AHCYL2: variants seen among roughly 807,000 people sequenced by gnomAD.
The protein encoded by AHCYL2 is adenosylhomocysteinase like 2.
A neutral mutation model predicts 81.4 loss-of-function variants in AHCYL2; 28 were observed. That is an observed-to-expected ratio of 0.34 (90% CI 0.25 to 0.47). The LOEUF is 0.47. Ranked by LOEUF, AHCYL2 falls within the 20% of genes least tolerant of loss-of-function variation. The pLI is 1.00. For synonymous variants in AHCYL2, 272 were observed against 290.2 expected (o/e 0.94, Z 0.64); for missense variants, 551 against 785.1 (o/e 0.70, Z 3.56).
At chr7:129,387,769 T>C (rs1795267352) in intron 2 of AHCYL2, among the ~76,000 whole-genome samples, 1 of 152,190 alleles carries the variant, frequency 6.6e-6, no homozygotes, top group Non-Finnish European at 1.5e-5. Context: ...CACAAACTTT[T>C]TGTACAGATT....
At chr7:129,351,006 G>A (rs372911001) in intron 1 of AHCYL2, among the ~76,000 whole-genome samples, 84 of 151,936 alleles carry the variant, frequency 5.5e-4, no homozygotes, top group Middle Eastern at 3.4e-3. Flanking sequence ...GCCCGGCCCC[G>A]GCCTAATTTC....
intron 1 of AHCYL2, among the ~76,000 whole-genome samples, chr7:129,267,322 G>C (rs1220646681): frequency 6.7e-6 from 1 of 149,174 alleles, no homozygotes; most frequent in Non-Finnish European, 1.5e-5. Flanking sequence ...ATTTTTTTTT[G>C]AGACAGAGTT....
In AHCYL2 at chr7:129,389,231, C is replaced by T. The variant is rs746614999; in HGVS notation, c.619+32C>T. 2.5e-6 allele frequency: 4 copies of T among 1,613,230 alleles called. No homozygotes were observed. The East Asian group carries it at 6.7e-5, about 27-fold the overall frequency. On this transcript the variant is annotated intron_variant, in intron 3 of 16. Coordinates refer to ENST00000325006, the MANE Select transcript of AHCYL2 (RefSeq NM_015328.4). ...AAAACAAGCACCTTTTCCTTCTTAA[C>T]CTACCTGTGTCTTTTTGTCCATATT...
chr7:129,357,933 C>CAA (rs1231126390), intron 1 of AHCYL2, among the ~76,000 whole-genome samples: 11 of 83,374 alleles, frequency 1.3e-4, no homozygotes, highest in Non-Finnish European at 1.7e-4. Flanking sequence ...GACTCCATCT[C>CAA]AAAAAAAAAA....
intron 12 of AHCYL2, among the ~76,000 whole-genome samples, chr7:129,420,803 C>T (rs1289082279): frequency 6.6e-6 from 1 of 151,902 alleles, no homozygotes; most frequent in African/African-American, 2.4e-5. Context: ...TCTTTTTAAC[C>T]CTTAAATTTA....
intron 4 of AHCYL2, among the ~76,000 whole-genome samples, chr7:129,394,142 G>A (rs989096248): frequency 6.6e-6 from 1 of 151,828 alleles, no homozygotes; most frequent in African/African-American, 2.4e-5. Context: ...CCAAGTAACT[G>A]GGACTACAGG....
intron 1 of AHCYL2, chr7:129,375,561 C>G (rs1463423236): frequency 8.7e-7 from 1 of 1,155,230 alleles, no homozygotes; most frequent in African/African-American, 1.6e-5. Flanking sequence ...AAGGGACTTG[C>G]AAGGTTTAGA....
chr7:129,346,139 G>A (rs978489918), intron 1 of AHCYL2, among the ~76,000 whole-genome samples: 4 of 152,220 alleles, frequency 2.6e-5, no homozygotes, highest in Non-Finnish European at 4.4e-5. Context: ...AGTGGTTGTG[G>A]TGGTGGTTGG....
intron 1 of AHCYL2, among the ~76,000 whole-genome samples, chr7:129,321,743 G>GTTTTT: frequency 6.1e-4 from 47 of 77,560 alleles, no homozygotes; most frequent in Middle Eastern, 9.6e-3. Context: ...TTCTTTCTTT[G>GTTTTT]TTTTTTTTTT....
chr7:129,267,366 G>A (rs1262572086), intron 1 of AHCYL2, among the ~76,000 whole-genome samples: 1 of 151,798 alleles, frequency 6.6e-6, no homozygotes, highest in Admixed American at 6.6e-5. Context: ...GTGCAGTGGC[G>A]TGATCTCATC....
chr7:129,290,275 G>A (rs13229015), intron 1 of AHCYL2, among the ~76,000 whole-genome samples: 77 of 150,026 alleles, frequency 5.1e-4, no homozygotes, highest in African/African-American at 1.6e-3. Flanking sequence ...AGGCCAAGGC[G>A]GGCGGATCAC....
At chr7:129,373,987 A>G (rs1056815496) in intron 1 of AHCYL2, among the ~76,000 whole-genome samples, 2 of 152,208 alleles carry the variant, frequency 1.3e-5, no homozygotes, top group Non-Finnish European at 2.9e-5. Flanking sequence ...AAGTTGCCTT[A>G]AAGAGCTGTT....
intron 8 of AHCYL2, 40 bp downstream of exon 8, chr7:129,405,253 G>C (rs773713455): frequency 2.0e-6 from 3 of 1,470,958 alleles, no homozygotes; most frequent in Non-Finnish European, 2.8e-6. Context: ...GTGATGTCCA[G>C]TTGAGATTCT....
chr7:129,300,027 T>A (rs1249385081), intron 1 of AHCYL2, among the ~76,000 whole-genome samples: 10 of 152,178 alleles, frequency 6.6e-5, no homozygotes. Context: ...CGTGGGTACA[T>A]AGTAGGTGCA....
At chr7:129,267,920 C>T (rs1395752043) in intron 1 of AHCYL2, among the ~76,000 whole-genome samples, 1 of 151,920 alleles carries the variant, frequency 6.6e-6, no homozygotes, top group African/African-American at 2.4e-5. Flanking sequence ...TTAAAAGTAC[C>T]TATAACATGG....
At position 129,278,177 on chromosome 7, in the gene AHCYL2, T is replaced by C. The variant is rs1036543489; in HGVS notation, c.363+52738T>C. Among the ~76,000 whole-genome samples, 6 of 152,358 alleles carry C rather than the reference T, an allele frequency of 3.9e-5. No individual in the cohort carries two copies. The East Asian group carries it at 1.2e-3, about 29-fold the overall frequency. ...GACTAATGCTGAGAATCTTTTCATG[T>C]ACTTTTTGTCATTTGTATGTCTCTT... On this transcript the variant is annotated intron_variant, in intron 1 of 16. Coordinates refer to ENST00000325006, the MANE Select transcript of AHCYL2 (RefSeq NM_015328.4).
At chr7:129,372,117 C>T (rs2150865160) in intron 1 of AHCYL2, among the ~76,000 whole-genome samples, 1 of 152,216 alleles carries the variant, frequency 6.6e-6, no homozygotes, top group East Asian at 1.9e-4. Context: ...TCTAGACATC[C>T]ATGGAATATA....
intron 1 of AHCYL2, among the ~76,000 whole-genome samples, chr7:129,299,289 A>AG (rs1797163616): frequency 1.3e-5 from 2 of 149,772 alleles, no homozygotes; most frequent in African/African-American, 2.4e-5. Flanking sequence ...CCAAAAAAAA[A>AG]AAAACAAAAA....
chr7:129,320,698 CA>C (rs1563195431), intron 1 of AHCYL2, among the ~76,000 whole-genome samples: 1 of 152,162 alleles, frequency 6.6e-6, no homozygotes, highest in East Asian at 1.9e-4. Context: ...AGTATATTCA[CA>C]AGGTTGTACA....
Sources: allele counts gnomAD v4.1 joint callset (sites outside exome capture counted in the v4.1 genomes callset), GRCh38; gene constraint gnomAD v4.1.1; transcripts MANE v1.5; gene names NCBI Gene and HGNC (gene_info 2026-07-23, HGNC 2026-07-21).